Variants in STYX observed in about 807,000 individuals in gnomAD.
The protein encoded by STYX is serine/threonine/tyrosine-interacting protein.
STYX carries 20 observed loss-of-function variants against 42.7 expected under a neutral mutation model. The ratio of observed to expected loss-of-function variants is 0.47; its 90% CI spans 0.33 to 0.68. STYX has a LOEUF of 0.68. Ranked by LOEUF, STYX falls within the 30% of genes least tolerant of loss-of-function variation. STYX has a pLI of 0.02. For synonymous variants in STYX, 78 were observed against 81.9 expected, an observed-to-expected ratio of 0.95 and a Z score of 0.26; for missense variants, 226 against 268.5, an observed-to-expected ratio of 0.84 and a Z score of 1.11.
chr14:52,752,365 T>G (rs1320674775), intron 4 of STYX, among the ~76,000 whole-genome samples: 1 of 151,812 alleles, frequency 6.6e-6, no homozygotes, highest in Non-Finnish European at 1.5e-5. Context: ...CTCAGGAGGC[T>G]GAGGCAGGAG....
At chr14:52,755,016 A>AGTC in intron 4 of STYX, among the ~76,000 whole-genome samples, 1 of 152,078 alleles carries the variant, frequency 6.6e-6, no homozygotes, top group Non-Finnish European at 1.5e-5. Context: ...TGGAATACCC[A>AGTC]GTCACTTCAG....
At chr14:52,763,606 A>T (rs1008517542) in intron 9 of STYX, among the ~76,000 whole-genome samples, 1 of 151,462 alleles carries the variant, frequency 6.6e-6, no homozygotes, top group Non-Finnish European at 1.5e-5. Context: ...ATGTGTTGAG[A>T]TTTTTTTTAT....
At chr14:52,739,867 C>T (rs1881117377) in intron 1 of STYX, among the ~76,000 whole-genome samples, 1 of 151,996 alleles carries the variant, frequency 6.6e-6, no homozygotes, top group Non-Finnish European at 1.5e-5. Flanking sequence ...TGGTCTTGAA[C>T]TCGGGCTCAA....
intron 1 of STYX, among the ~76,000 whole-genome samples, chr14:52,736,809 T>A (rs1019888031): frequency 1.7e-5 from 2 of 115,578 alleles, no homozygotes; most frequent in African/African-American, 6.3e-5. Context: ...AATTGCTGGT[T>A]TAGAAAATAT....
intron 8 of STYX, among the ~76,000 whole-genome samples, chr14:52,759,339 C>G (rs984040293): frequency 1.3e-5 from 2 of 152,106 alleles, no homozygotes; most frequent in Non-Finnish European, 2.9e-5. Context: ...AGGCTGGTCT[C>G]AAAGTCCTGG....
At chr14:52,739,049 G>T (rs7159016) in intron 1 of STYX, among the ~76,000 whole-genome samples, 1 of 143,868 alleles carries the variant, frequency 7.0e-6, no homozygotes, top group Admixed American at 6.9e-5. Flanking sequence ...CCTTTTCTCC[G>T]TTTAGTTTAT....
At chr14:52,748,096 T>A (rs1472526716) in intron 3 of STYX, among the ~76,000 whole-genome samples, 1 of 152,200 alleles carries the variant, frequency 6.6e-6, no homozygotes, top group East Asian at 1.9e-4. Context: ...CTGTGGCAGT[T>A]TATTTCCCAC....
chr14:52,756,407 C>A, intron 4 of STYX, 144 bp from the exon 5 acceptor site: 2 of 504,284 alleles, frequency 4.0e-6, no homozygotes, highest in South Asian at 3.0e-5. Context: ...AATGTAAAAT[C>A]TACCACACAG....
rs987198043 is a variant in STYX at position 52,741,232 on chromosome 14, T to A, written c.58-3620T>A. The stretch of plus-strand genomic sequence containing the variant: ...TTTTTATATATATATATATATATAT[T>A]TTTTTTTTGGTAAAGCCTAGGAGTG... On this transcript the variant is annotated intron_variant, in intron 1 of 10. Transcript: ENST00000354586. Among the ~76,000 whole-genome samples the A allele has an allele frequency of 3.0e-3, 437 of 145,206 alleles. 2 individuals are homozygous for A. The highest frequency in any genetic ancestry group is 6.9e-3 in the African/African-American group (279 of 40,274).
At chr14:52,766,261 G>T (rs1882297851) in intron 9 of STYX, among the ~76,000 whole-genome samples, 2 of 152,108 alleles carry the variant, frequency 1.3e-5, no homozygotes, top group African/African-American at 4.8e-5. Flanking sequence ...CTGCCTCCTG[G>T]GTTAAAGCGA....
intron 3 of STYX, among the ~76,000 whole-genome samples, chr14:52,747,727 G>A (rs575861143): frequency 3.3e-5 from 5 of 152,180 alleles, no homozygotes; most frequent in African/African-American, 9.6e-5. Context: ...TAAAGTATTT[G>A]TTTAAAGGTC....
rs1253235361 is a variant in STYX at position 52,730,305 on chromosome 14, C to T, written c.-170C>T. The stretch of plus-strand genomic sequence containing the variant: ...TTCCCTGTCTTCGCCGCCGCCGCTG[C>T]TGGAGTCACTGGGACCCTGTAGTCT... On this transcript the variant is annotated 5_prime_UTR_variant, in exon 1 of 11. Coordinates refer to ENST00000354586, the MANE Select transcript of STYX (RefSeq NM_145251.4). 3 of 640,268 alleles carry T rather than the reference C, an allele frequency of 4.7e-6. No individual in the cohort carries two copies. Among genetic ancestry groups the T allele is most frequent in the African/African-American group, 3.7e-5 (2 of 54,248 alleles). 39.7% of individuals were successfully genotyped at this position (640,268 alleles called of 1,614,324 possible).
intron 2 of STYX, among the ~76,000 whole-genome samples, chr14:52,745,705 C>T (rs758691070): frequency 9.9e-5 from 15 of 152,122 alleles, no homozygotes; most frequent in Admixed American, 2.0e-4. Flanking sequence ...TACCATTTAC[C>T]GTCAAGTCTG....
At chr14:52,739,640 T>C (rs1190071073) in intron 1 of STYX, among the ~76,000 whole-genome samples, 1 of 139,328 alleles carries the variant, frequency 7.2e-6, no homozygotes, top group East Asian at 2.0e-4. Context: ...TTCTTTTTTT[T>C]TTTTTTTTTT....
chr14:52,759,277 G>A (rs1881998100), intron 8 of STYX, among the ~76,000 whole-genome samples: 1 of 152,072 alleles, frequency 6.6e-6, no homozygotes, highest in African/African-American at 2.4e-5. Context: ...ACATCACTGT[G>A]CCTGGCTAAT....
At chr14:52,766,925 ATTGT>A (rs1394940867) in intron 9 of STYX, among the ~76,000 whole-genome samples, 10 of 149,758 alleles carry the variant, frequency 6.7e-5, no homozygotes, top group Admixed American at 6.7e-4. Context: ...TTTATTTGGC[ATTGT>A]TTTAGTTAGG....
chr14:52,765,041 T>A (rs1882248425), intron 9 of STYX, among the ~76,000 whole-genome samples: 1 of 152,216 alleles, frequency 6.6e-6, no homozygotes, highest in Non-Finnish European at 1.5e-5. Context: ...ACTCTTGGAC[T>A]TTATTAAGAA....
intron 8 of STYX, 132 bp from the exon 9 acceptor site, chr14:52,759,550 A>G (rs1489424944): frequency 3.0e-6 from 2 of 673,502 alleles, no homozygotes; most frequent in Admixed American, 2.8e-5. Flanking sequence ...TGGTGAGAAA[A>G]GGAATTGTGA....
intron 9 of STYX, among the ~76,000 whole-genome samples, chr14:52,767,839 G>A (rs1338684051): frequency 6.6e-6 from 1 of 152,152 alleles, no homozygotes; most frequent in East Asian, 1.9e-4. Context: ...GTTTTAAAGT[G>A]CCTCAGGTGA....
Sources: allele counts gnomAD v4.1 joint callset (sites outside exome capture counted in the v4.1 genomes callset), GRCh38; gene constraint gnomAD v4.1.1; transcripts MANE v1.5; gene names NCBI Gene and HGNC (gene_info 2026-07-23, HGNC 2026-07-21).